Variants in NADSYN1 observed in about 807,000 individuals in gnomAD.
NADSYN1 encodes NAD synthetase 1.
Under a neutral mutation model 99.3 loss-of-function variants are expected in NADSYN1, and 80 were observed. The observed-to-expected ratio is 0.81, with a 90% CI of 0.67 to 0.97. NADSYN1 has a LOEUF of 0.97. Ranked by LOEUF, NADSYN1 falls within the 50% of genes least tolerant of loss-of-function variation. The pLI, the probability that NADSYN1 is intolerant of heterozygous loss-of-function variation, is 0.00. For missense variants in NADSYN1, 859 were observed against 948.5 expected (o/e 0.91, Z 1.24); for synonymous variants, 385 against 372.1 (o/e 1.03, Z -0.40).
chr11:71,482,042 G>C lies in NADSYN1; in HGVS notation c.1150+17G>C. ...GGAGTGGAAGTAGGTGACATCTGTT[G>C]GCTTGAGGGAGGCTCCAGGGTCCAG... On this transcript the variant is annotated intron_variant, in intron 13 of 20. Coordinates refer to ENST00000319023, the MANE Select transcript of NADSYN1 (RefSeq NM_018161.5). 6.3e-7 allele frequency: 1 copy of C among 1,598,726 alleles called. No homozygotes were observed. The highest frequency in any genetic ancestry group is 8.5e-7 in the Non-Finnish European group (1 of 1,172,252).
intron 5 of NADSYN1, among the ~76,000 whole-genome samples, chr11:71,467,986 T>C (rs1239218506): frequency 1.3e-5 from 2 of 152,054 alleles, no homozygotes; most frequent in Non-Finnish European, 2.9e-5. Context: ...AAAAGACAAA[T>C]TGCCCGCAGA....
intron 8 of NADSYN1, among the ~76,000 whole-genome samples, chr11:71,473,946 C>T (rs971696092): frequency 6.6e-5 from 10 of 152,200 alleles, no homozygotes; most frequent in Admixed American, 3.3e-4. Flanking sequence ...GCTCCTTGTT[C>T]GTTGGCATCA....
In NADSYN1 at chr11:71,501,512, G is replaced by A. The variant is rs1949857602; in HGVS notation, c.*160G>A. The A allele has an allele frequency of 1.6e-6, 1 of 641,838 alleles. No homozygotes were observed. Among genetic ancestry groups the A allele is most frequent in the African/African-American group, 1.9e-5 (1 of 53,988 alleles). The allele number at this position is 641,838 out of a possible 1,614,324, so 39.8% of individuals were successfully genotyped here. On this transcript the variant is annotated 3_prime_UTR_variant, in exon 21 of 21. Coordinates refer to ENST00000319023, the MANE Select transcript of NADSYN1 (RefSeq NM_018161.5). ...TTTTCAGTCAAATTCCTCAAAAAGA[G>A]GCTGGAATAAAGCCTGGGCTTAAAA...
rs897830617 is a variant in NADSYN1, at chr11:71,453,233, A to T, written c.-64A>T. The T allele has an allele frequency of 6.1e-6, 9 of 1,465,958 alleles. No individual in the cohort carries two copies. The African/African-American group carries it at 1.1e-4, about 18-fold the overall frequency. 90.8% of individuals were successfully genotyped at this position (1,465,958 alleles called of 1,614,324 possible). A position where few individuals can be genotyped will look rare whatever the true frequency, so the allele number is the denominator to read the frequency against. The stretch of plus-strand genomic sequence containing the variant: ...GGAAGGTCCGGCGTCCCAGCCGCCT[A>T]CCTCGCTGGGACCCTGGTCTTGCTG... On this transcript the variant is annotated 5_prime_UTR_variant, in exon 1 of 21. Coordinates refer to ENST00000319023, the MANE Select transcript of NADSYN1 (RefSeq NM_018161.5).
At chr11:71,481,790 C>A in intron 12 of NADSYN1, 133 bp from the exon 13 acceptor site, 1 of 703,956 alleles carries the variant, frequency 1.4e-6, no homozygotes, top group Non-Finnish European at 2.4e-6. Context: ...TTGTCCTGAC[C>A]CCATGGAAAG....
At chr11:71,474,920 G>A (rs1949655436) in intron 9 of NADSYN1, 1 of 306,898 alleles carries the variant, frequency 3.3e-6, no homozygotes, top group African/African-American at 2.2e-5. Flanking sequence ...CAGCTTACGA[G>A]TCCTGCGTTC....
intron 5 of NADSYN1, among the ~76,000 whole-genome samples, chr11:71,469,362 C>G (rs1949612770): frequency 6.6e-6 from 1 of 152,100 alleles, no homozygotes; most frequent in African/African-American, 2.4e-5. Context: ...GTCCTAGCTG[C>G]CAGGACCAGC....
intron 10 of NADSYN1, 55 bp downstream of exon 10, chr11:71,478,524 G>T: frequency 6.6e-7 from 1 of 1,507,628 alleles, no homozygotes; most frequent in South Asian, 1.2e-5. Context: ...GTGGAAAGTG[G>T]CCCCATTCGT....
intron 18 of NADSYN1, among the ~76,000 whole-genome samples, chr11:71,492,292 T>C (rs1338843013): frequency 6.6e-6 from 1 of 152,206 alleles, no homozygotes; most frequent in Non-Finnish European, 1.5e-5. Flanking sequence ...GGTAGCTTAG[T>C]GGATGCTGGG....
chr11:71,464,217 T>C (rs1949572329), intron 5 of NADSYN1, 75 bp downstream of exon 5: 4 of 1,227,984 alleles, frequency 3.3e-6, no homozygotes, highest in Non-Finnish European at 4.6e-6. Context: ...GTCCTGATCA[T>C]GGGAGTGTTA....
chr11:71,485,598 G>A lies in NADSYN1; in HGVS notation c.1512G>A (p.Arg504=), dbSNP rs1203685752. The change falls in exon 16 of 21, where the codon CGG becomes CGA. Residue 504 remains arginine, a synonymous_variant. Coordinates refer to ENST00000319023, the MANE Select transcript of NADSYN1 (RefSeq NM_018161.5). Reference sequence around the variant, plus strand: ...TTGCTCAGTTGAGCCTCTGGTCTCGGGGTGTCCACGGTGGGCTCCTCGTGC... The same window carrying A: ...TTGCTCAGTTGAGCCTCTGGTCTCGAGGTGTCCACGGTGGGCTCCTCGTGC... ...YLFAQLSLWS[R]GVHGGLLVLG... The A allele has an allele frequency of 1.9e-6, 3 of 1,562,104 alleles. No individual in the cohort carries two copies. In the African/African-American group the frequency reaches 4.1e-5, roughly 21 times the overall value.
At chr11:71,455,297 G>A in intron 2 of NADSYN1, 127 bp downstream of exon 2, 1 of 733,164 alleles carries the variant, frequency 1.4e-6, no homozygotes, top group Non-Finnish European at 2.3e-6. Flanking sequence ...ACCCACTGTT[G>A]GGCCTGGTTA....
intron 20 of NADSYN1, chr11:71,499,448 A>G (rs1241243567): frequency 6.6e-6 from 1 of 152,230 alleles, no homozygotes; most frequent in Non-Finnish European, 1.5e-5. Context: ...ATTTGCTGGC[A>G]TTACATAAAC....
At chr11:71,453,690 T>C (rs917727876) in intron 1 of NADSYN1, among the ~76,000 whole-genome samples, 7 of 152,200 alleles carry the variant, frequency 4.6e-5, no homozygotes, top group African/African-American at 7.2e-5. Flanking sequence ...TGGTTGGGAC[T>C]GAGCTGCCCA....
At chr11:71,453,441 C>G in intron 1 of NADSYN1, 60 bp downstream of exon 1, 1 of 1,463,794 alleles carries the variant, frequency 6.8e-7, no homozygotes, top group Non-Finnish European at 9.5e-7. Flanking sequence ...GTGGCTGGGC[C>G]CAGGCTTGCC....
intron 1 of NADSYN1, among the ~76,000 whole-genome samples, chr11:71,454,334 C>A (rs1249248500): frequency 1.3e-5 from 2 of 152,046 alleles, no homozygotes; most frequent in Non-Finnish European, 2.9e-5. Context: ...GCCTCAGCCT[C>A]CTGAGTAGCT....
chr11:71,473,793 TC>T (rs747746788), intron 8 of NADSYN1, 107 bp downstream of exon 8: 198 of 838,560 alleles, frequency 2.4e-4, no homozygotes, highest in Non-Finnish European at 3.4e-4. Flanking sequence ...CAATGGATGT[TC>T]CAGGCTAGTA....
At chr11:71,466,080 C>G (rs918205389) in intron 5 of NADSYN1, among the ~76,000 whole-genome samples, 3 of 152,176 alleles carry the variant, frequency 2.0e-5, no homozygotes, top group African/African-American at 7.2e-5. Context: ...GAAAGCTCTT[C>G]ATGTTTCTGC....
At chr11:71,477,867 C>T (rs898160401) in intron 9 of NADSYN1, among the ~76,000 whole-genome samples, 3 of 152,264 alleles carry the variant, frequency 2.0e-5, no homozygotes, top group African/African-American at 4.8e-5. Flanking sequence ...TGCCTCTCCT[C>T]GTGGGCATGG....
Sources: allele counts gnomAD v4.1 joint callset (sites outside exome capture counted in the v4.1 genomes callset), GRCh38; gene constraint gnomAD v4.1.1; transcripts MANE v1.5; gene names NCBI Gene and HGNC (gene_info 2026-07-23, HGNC 2026-07-21).